Variants in TRIM34 observed in about 807,000 individuals in gnomAD.
TRIM34 encodes the protein E3 ubiquitin-protein ligase TRIM34.
A neutral mutation model predicts 38.1 loss-of-function variants in TRIM34; 41 were observed. The observed-to-expected ratio is 1.08, with a 90% CI of 0.84 to 1.40. TRIM34 has a LOEUF of 1.40. Ranked by LOEUF, TRIM34 falls within the 40% of genes most tolerant of loss-of-function variation. The probability of loss-of-function intolerance (pLI) is 0.00; values close to 1 mark genes in which losing one functional copy is unlikely to be tolerated. For missense variants in TRIM34, 556 were observed against 571.4 expected (o/e 0.97, Z 0.27); for synonymous variants, 200 against 202.5 (o/e 0.99, Z 0.10).
chr11:5,643,885 A>T lies in TRIM34; in HGVS notation c.*176A>T. 1 of 816,568 alleles carries T rather than the reference A, an allele frequency of 1.2e-6. No individual in the cohort carries two copies. Among genetic ancestry groups the T allele is most frequent in the Non-Finnish European group, 1.8e-6 (1 of 550,780 alleles). 50.6% of individuals were successfully genotyped at this position (816,568 alleles called of 1,614,324 possible). A position where few individuals can be genotyped will look rare whatever the true frequency, so the allele number is the denominator to read the frequency against. Reference sequence around the variant, plus strand: ...ATGAGAGATGCTTATTTATTCATTTACTCTTTTTCATATTTTCAGAGAAAG... The same window carrying T: ...ATGAGAGATGCTTATTTATTCATTTTCTCTTTTTCATATTTTCAGAGAAAG... On this transcript the variant is annotated 3_prime_UTR_variant, in exon 8 of 8. Coordinates refer to ENST00000429814, the MANE Select transcript of TRIM34 (RefSeq NM_021616.6).
rs757320804 is a variant in TRIM34 at position 5,632,437 on chromosome 11, C to T, written c.106C>T (p.Arg36Ter). Residue 36 changes from arginine to a stop codon, truncating the protein, a stop_gained, in exon 2 of 8, where the codon CGA (arginine) becomes TGA (stop). Coordinates refer to ENST00000429814, the MANE Select transcript of TRIM34 (RefSeq NM_021616.6). LOFTEE classifies it high-confidence loss of function. ...TCTAGACTGTGGCCACAGCCTCTGC[C>T]GAGCCTGCATCACTGTGAGCAACAA... ...LSLDCGHSLC[R>*]ACITVSNKEA... 8 of 1,613,814 alleles carry T rather than the reference C, an allele frequency of 5.0e-6. No homozygotes were observed. The highest frequency in any genetic ancestry group is 4.5e-5 in the East Asian group (2 of 44,862).
intron 4 of TRIM34, among the ~76,000 whole-genome samples, chr11:5,636,445 C>T (rs187139409): frequency 1.4e-4 from 22 of 152,262 alleles, no homozygotes; most frequent in Admixed American, 1.0e-3. Context: ...TGTGCAATGA[C>T]GGTTGCACTA....
intron 3 of TRIM34, 122 bp downstream of exon 3, chr11:5,634,021 T>G: frequency 5.4e-5 from 56 of 1,030,734 alleles, no homozygotes; most frequent in Non-Finnish European, 6.5e-5. Flanking sequence ...ATTAGTTCTC[T>G]TCTCTGTCCT....
upstream of TRIM34, among the ~76,000 whole-genome samples, chr11:5,624,433 C>T (rs996375800): frequency 5.3e-5 from 8 of 152,134 alleles, no homozygotes; most frequent in Non-Finnish European, 8.8e-5. Context: ...CATCTCCTAG[C>T]GGGTGACATG....
At chr11:5,639,210 CTTTAATG>C (rs1429132861) in intron 4 of TRIM34, among the ~76,000 whole-genome samples, 1 of 152,090 alleles carries the variant, frequency 6.6e-6, no homozygotes, top group Non-Finnish European at 1.5e-5. Flanking sequence ...TTTTCCAGTT[CTTTAATG>C]TTTAACTTAC....
chr11:5,642,342 T>C lies in TRIM34; in HGVS notation c.774-64T>C, dbSNP rs551623225. 6 of 1,442,098 alleles carry C rather than the reference T, an allele frequency of 4.2e-6. No individual in the cohort carries two copies. In the South Asian group the frequency reaches 6.1e-5, roughly 15 times the overall value. 89.3% of individuals were successfully genotyped at this position (1,442,098 alleles called of 1,614,324 possible). A position where few individuals can be genotyped will look rare whatever the true frequency, so the allele number is the denominator to read the frequency against. ...AGTGATGTGAAGGAGATGAAACCAG[T>C]GATGTGGGAGGGATGGACACAGGAT... On this transcript the variant is annotated intron_variant, in intron 5 of 7. Coordinates refer to ENST00000429814, the MANE Select transcript of TRIM34 (RefSeq NM_021616.6).
chr11:5,634,046 T>C, intron 3 of TRIM34, 147 bp downstream of exon 3: 1 of 826,386 alleles, frequency 1.2e-6, no homozygotes, highest in Non-Finnish European at 1.8e-6. Context: ...CTGTTGGGGG[T>C]GGAGGCTAGA....
intron 5 of TRIM34, 22 bp from the exon 6 acceptor site, chr11:5,642,383 CA>C (rs777968925): frequency 5.0e-6 from 8 of 1,607,598 alleles, no homozygotes; most frequent in South Asian, 4.4e-5. Context: ...ATGTGGGGGT[CA>C]AAAAATTTTT....
chr11:5,642,753 AT>A, intron 6 of TRIM34, 63 bp from the exon 7 acceptor site: 1 of 1,603,760 alleles, frequency 6.2e-7, no homozygotes, highest in South Asian at 1.1e-5. Flanking sequence ...TCTAAAGAAT[AT>A]ATAGGTATCA....
chr11:5,624,348 A>G (rs1367541512), upstream of TRIM34, among the ~76,000 whole-genome samples: 1 of 152,162 alleles, frequency 6.6e-6, no homozygotes, highest in Admixed American at 6.5e-5. Context: ...AGCATTTCCA[A>G]CACTCCCAAA....
chr11:5,634,878 A>T lies in TRIM34; in HGVS notation c.750+17A>T, dbSNP rs1344009813. ...CTGCTGCAGGTAAGAAGGTTCGCTC[A>T]ATCTGAGATTCTGGGAACACAGTTC... On this transcript the variant is annotated intron_variant, in intron 4 of 7. Coordinates refer to ENST00000429814, the MANE Select transcript of TRIM34 (RefSeq NM_021616.6). 1 of 1,606,800 alleles carries T rather than the reference A, an allele frequency of 6.2e-7. No homozygotes were observed. The highest frequency in any genetic ancestry group is 1.1e-5 in the South Asian group (1 of 90,472).
intron 5 of TRIM34, 30 bp downstream of exon 5, chr11:5,641,219 G>A (rs771293438): frequency 6.2e-7 from 1 of 1,613,760 alleles, no homozygotes; most frequent in Non-Finnish European, 8.5e-7. Context: ...AGTGGTGCTT[G>A]TGAGTTATAA....
At position 5,642,397 on chromosome 11, in the gene TRIM34, C is replaced by A. The variant is rs372836825; in HGVS notation, c.774-9C>A. 21 of 1,609,014 alleles carry A rather than the reference C, an allele frequency of 1.3e-5. No individual in the cohort carries two copies. The highest frequency in any genetic ancestry group is 1.8e-5 in the Non-Finnish European group (21 of 1,178,698). ...GATGTGGGGGTCAAAAAATTTTTTTCATCCCTAGGAGTGAGATCTGGAGGC... is the reference window on the plus strand; with the variant it reads ...GATGTGGGGGTCAAAAAATTTTTTTAATCCCTAGGAGTGAGATCTGGAGGC... On this transcript the variant is annotated splice_polypyrimidine_tract_variant and intron_variant, in intron 5 of 7. Transcript: ENST00000429814.
intron 3 of TRIM34, among the ~76,000 whole-genome samples, 164 bp from the exon 4 acceptor site, chr11:5,634,467 A>G (rs972850071): frequency 2.7e-5 from 4 of 145,986 alleles, no homozygotes; most frequent in Non-Finnish European, 4.5e-5. Context: ...AGATAATACA[A>G]ATATATATAT....
intron 4 of TRIM34, among the ~76,000 whole-genome samples, chr11:5,639,416 C>G (rs1021013945): frequency 6.6e-6 from 1 of 151,998 alleles, no homozygotes; most frequent in Non-Finnish European, 1.5e-5. Flanking sequence ...CGCGGTGGCT[C>G]ACACCTGTAA....
At chr11:5,629,803 G>A (rs186342497) in intron 1 of TRIM34, among the ~76,000 whole-genome samples, 1 of 152,176 alleles carries the variant, frequency 6.6e-6, no homozygotes, top group South Asian at 2.1e-4. Context: ...TGCCTCCCGG[G>A]TTCACGCCAT....
At position 5,634,863 on chromosome 11, in the gene TRIM34, T is replaced by A. The variant is rs1590172693; in HGVS notation, c.750+2T>A. 6.2e-7 allele frequency: 1 copy of A among 1,610,994 alleles called. No individual in the cohort carries two copies. Among genetic ancestry groups the A allele is most frequent in the African/African-American group, 1.3e-5 (1 of 74,818 alleles). On this transcript the variant is annotated splice_donor_variant, in intron 4 of 7. Transcript: ENST00000429814. LOFTEE classifies it high-confidence loss of function. ...TGGTCAACAATGGAGCTGCTGCAGG[T>A]AAGAAGGTTCGCTCAATCTGAGATT...
intron 5 of TRIM34, among the ~76,000 whole-genome samples, chr11:5,641,830 C>G (rs979002170): frequency 6.6e-6 from 1 of 152,128 alleles, no homozygotes; most frequent in African/African-American, 2.4e-5. Flanking sequence ...AAATTCTAAC[C>G]ATTTTTAGTT....
chr11:5,631,893 G>C (rs1483072153), intron 1 of TRIM34, among the ~76,000 whole-genome samples: 2 of 152,156 alleles, frequency 1.3e-5, no homozygotes, highest in African/African-American at 4.8e-5. Context: ...TTTAAAAATA[G>C]ATAATGATAA....
Sources: allele counts gnomAD v4.1 joint callset (sites outside exome capture counted in the v4.1 genomes callset), GRCh38; gene constraint gnomAD v4.1.1; transcripts MANE v1.5; gene names NCBI Gene and HGNC (gene_info 2026-07-23, HGNC 2026-07-21).